ORC2: variants seen among roughly 807,000 people sequenced by gnomAD.
The protein encoded by ORC2 is origin recognition complex protein 2 homolog.
In ORC2, 37 loss-of-function variants were observed where a neutral mutation model predicts 77.7. The observed-to-expected ratio is 0.48, with a 90% CI of 0.37 to 0.63. The LOEUF (loss-of-function observed/expected upper bound fraction) is 0.63, where lower values mean the gene tolerates loss of function less well. ORC2 is among the 20% of genes least tolerant of loss of function. The pLI is 0.00. For missense variants in ORC2, 557 were observed against 661.9 expected (o/e 0.84, Z 1.74); for synonymous variants, 201 against 229.5 (o/e 0.88, Z 1.12).
intron 8 of ORC2, 145 bp from the exon 9 acceptor site, chr2:200,936,037 TAAC>T: frequency 3.4e-6 from 2 of 589,350 alleles, no homozygotes; most frequent in Non-Finnish European, 5.9e-6. Flanking sequence ...CAGAGCTAAT[TAAC>T]AAATTCTCTC....
chr2:200,925,566 C>A (rs1220230808), intron 13 of ORC2, among the ~76,000 whole-genome samples: 3 of 152,022 alleles, frequency 2.0e-5, no homozygotes, highest in African/African-American at 4.8e-5. Flanking sequence ...ATAGCGAGAC[C>A]TCATCTCTAC....
chr2:200,945,503 G>C (rs985476046), intron 5 of ORC2, among the ~76,000 whole-genome samples: 29 of 137,042 alleles, frequency 2.1e-4, no homozygotes, highest in Non-Finnish European at 4.2e-4. Flanking sequence ...CTAGGACATG[G>C]AAGTTGCAGC....
chr2:200,930,673 A>G (rs2124973413), intron 11 of ORC2, among the ~76,000 whole-genome samples: 1 of 152,258 alleles, frequency 6.6e-6, no homozygotes, highest in African/African-American at 2.4e-5. Context: ...GTGTGCATGT[A>G]TATTCACATT....
chr2:200,953,409 CTG>C (rs200950129), intron 4 of ORC2, among the ~76,000 whole-genome samples: 8 of 133,172 alleles, frequency 6.0e-5, no homozygotes, highest in African/African-American at 2.2e-4. Context: ...AAAAGGGCTA[CTG>C]TTTTTTTTTT....
intron 13 of ORC2, among the ~76,000 whole-genome samples, chr2:200,922,311 A>T (rs1575155923): frequency 6.6e-6 from 1 of 151,312 alleles, no homozygotes; most frequent in East Asian, 1.9e-4. Context: ...GGTAAGAAGA[A>T]AGTTACAGGT....
chr2:200,918,103 C>T (rs2040689262), intron 15 of ORC2, among the ~76,000 whole-genome samples: 1 of 152,126 alleles, frequency 6.6e-6, no homozygotes, highest in East Asian at 1.9e-4. Flanking sequence ...TTTATTTCTA[C>T]AACAAACATC....
At chr2:200,923,682 C>G (rs2040795106) in intron 13 of ORC2, among the ~76,000 whole-genome samples, 1 of 152,164 alleles carries the variant, frequency 6.6e-6, no homozygotes, top group African/African-American at 2.4e-5. Context: ...TCACAGCCTT[C>G]TTGTGCTTGG....
At chr2:200,963,291 C>T in intron 1 of ORC2, 199 bp downstream of exon 1, 1 of 396,684 alleles carries the variant, frequency 2.5e-6, no homozygotes, top group Non-Finnish European at 4.4e-6. Flanking sequence ...AGTAAGGGTT[C>T]TCGAGCCCCC....
intron 13 of ORC2, among the ~76,000 whole-genome samples, chr2:200,925,383 G>A (rs538716518): frequency 7.9e-5 from 12 of 152,124 alleles, no homozygotes; most frequent in African/African-American, 1.4e-4. Flanking sequence ...TTAAGTTCAC[G>A]GAAAAAGTTC....
At chr2:200,941,652 T>G (rs1304938084) in intron 6 of ORC2, among the ~76,000 whole-genome samples, 1 of 152,072 alleles carries the variant, frequency 6.6e-6, no homozygotes, top group African/African-American at 2.4e-5. Context: ...TCTGTAGCAT[T>G]CTAACAAGAA....
At chr2:200,963,279 C>T in intron 1 of ORC2, 1 of 396,358 alleles carries the variant, frequency 2.5e-6, no homozygotes, top group Non-Finnish European at 4.4e-6. Context: ...CTGCGCTCCA[C>T]CAGTAAGGGT....
chr2:200,942,360 T>G (rs1318249317), intron 6 of ORC2, among the ~76,000 whole-genome samples: 1 of 152,212 alleles, frequency 6.6e-6, no homozygotes, highest in Admixed American at 6.5e-5. Context: ...TCCAAACGCC[T>G]TATTTCATAT....
chr2:200,931,508 C>G lies in ORC2; in HGVS notation c.808-60G>C, dbSNP rs149929796. 9.9e-4 allele frequency: 844 copies of G among 854,556 alleles called. 4 individuals carry two copies. The highest frequency in any genetic ancestry group is 9.1e-3 in the African/African-American group (510 of 56,114). 52.9% of individuals were successfully genotyped at this position (854,556 alleles called of 1,614,324 possible). ...CTCAAAGCACAGACAGCAAATCAAT[C>G]CAAACAATTTCCTTAGAAGTAGAGC... On this transcript the variant is annotated intron_variant, in intron 10 of 17. Coordinates refer to ENST00000234296, the MANE Select transcript of ORC2 (RefSeq NM_006190.5).
chr2:200,914,017 T>A, intron 15 of ORC2, 25 bp from the exon 16 acceptor site: 1 of 1,371,392 alleles, frequency 7.3e-7, no homozygotes. Context: ...AAACAGGAAT[T>A]TAAATCCAAA....
At chr2:200,961,153 G>GT (rs1334154401) in intron 1 of ORC2, among the ~76,000 whole-genome samples, 4 of 151,686 alleles carry the variant, frequency 2.6e-5, no homozygotes, top group East Asian at 1.9e-4. Flanking sequence ...TAAATGCTTG[G>GT]TTTTTTTGTT....
chr2:200,925,859 C>T lies in ORC2; in HGVS notation c.1124G>A (p.Trp375Ter). The change falls in exon 13 of 18, where the codon TGG (tryptophan) becomes TAG (stop). Residue 375 changes from tryptophan (W) to a stop codon, truncating the protein, a stop_gained. Transcript: ENST00000234296. LOFTEE classifies it high-confidence loss of function. ...TFRSILDQLD[W>*]IVNKFKEDSS... ...ACCTTCTTTAAATTTGTTTACTATC[C>T]AGTCTAGCTGATCCAGTATACTGCG... 6.3e-7 allele frequency: 1 copy of T among 1,586,884 alleles called. No individual in the cohort carries two copies. The highest frequency in any genetic ancestry group is 8.6e-7 in the Non-Finnish European group (1 of 1,158,354).
At position 200,934,074 on chromosome 2, in the gene ORC2, C is replaced by G. The variant is rs1311992710; in HGVS notation, c.709-100G>C. 3 of 569,080 alleles carry G rather than the reference C, an allele frequency of 5.3e-6. No homozygotes were observed. In the Admixed American group the frequency reaches 9.7e-5, roughly 18 times the overall value. 35.3% of individuals were successfully genotyped at this position (569,080 alleles called of 1,614,324 possible). A position where few individuals can be genotyped will look rare whatever the true frequency, so the allele number is the denominator to read the frequency against. ...AATGTAAAATAGGACACGTGAAATT[C>G]TTTACTTGGTAGTATTTTCTTTTTA... On this transcript the variant is annotated intron_variant, in intron 9 of 17. Transcript: ENST00000234296.
intron 14 of ORC2, 72 bp downstream of exon 14, chr2:200,920,920 CT>C: frequency 9.0e-7 from 1 of 1,111,824 alleles, no homozygotes; most frequent in Non-Finnish European, 1.2e-6. Context: ...TAAAAATTTT[CT>C]GATTTATATT....
intron 15 of ORC2, among the ~76,000 whole-genome samples, chr2:200,914,669 C>T (rs2040609934): frequency 6.6e-6 from 1 of 152,064 alleles, no homozygotes; most frequent in Admixed American, 6.6e-5. Flanking sequence ...GTCTCAGCTA[C>T]TCGGGAGGCT....
Sources: gnomAD v4.1 joint callset for allele counts (sites outside exome capture counted in the v4.1 genomes callset) on GRCh38, gnomAD v4.1.1 for gene constraint, MANE v1.5 for transcripts, NCBI Gene and HGNC (gene_info 2026-07-23, HGNC 2026-07-21) for gene names.